Variants in PHACTR4 observed in about 807,000 individuals in gnomAD.
The protein encoded by PHACTR4 is phosphatase and actin regulator 4, also known as protein phosphatase 1, regulatory subunit 124.
In PHACTR4, 51 loss-of-function variants were observed where a neutral mutation model predicts 72.7. The observed-to-expected ratio is 0.70, with a 90% CI of 0.56 to 0.89. The LOEUF is 0.89. Ranked by LOEUF, PHACTR4 falls within the 40% of genes least tolerant of loss-of-function variation. The pLI, the probability that PHACTR4 is intolerant of heterozygous loss-of-function variation, is 0.00. For missense variants in PHACTR4, 731 were observed against 861.8 expected (o/e 0.85, Z 1.90); for synonymous variants, 255 against 302.5 (o/e 0.84, Z 1.63).
At chr1:28,462,745 G>A (rs1658905174) in intron 4 of PHACTR4, among the ~76,000 whole-genome samples, 1 of 152,226 alleles carries the variant, frequency 6.6e-6, no homozygotes, top group South Asian at 2.1e-4. Flanking sequence ...ATTAATAAAC[G>A]AGTTGCAGCC....
At position 28,457,757 on chromosome 1, in the gene PHACTR4, AT is replaced by A. The variant is rs1658495124; in HGVS notation, c.17-1325del. 3 of 853,900 alleles carry A rather than the reference AT, an allele frequency of 3.5e-6. No individual in the cohort carries two copies. In the African/African-American group the frequency reaches 5.5e-5, roughly 16 times the overall value. 52.9% of individuals were successfully genotyped at this position (853,900 alleles called of 1,614,324 possible). On this transcript the variant is annotated intron_variant, in intron 2 of 13. Coordinates refer to ENST00000373839, the MANE Select transcript of PHACTR4 (RefSeq NM_001048183.3). ...CTTATCATATGCTGTTCCTTGATGTATTTCTACAAAGTAGAGGTTCCACTTT... is the reference window on the plus strand; with the variant it reads ...CTTATCATATGCTGTTCCTTGATGTATTCTACAAAGTAGAGGTTCCACTTT...
Position 28,377,052 on chromosome 1 carries a change from C to G in PHACTR4, c.-39+7227C>G, listed in dbSNP as rs897543286. 2.6e-5 allele frequency among the ~76,000 whole-genome samples: 4 copies of G among 152,194 alleles called. 1 individual carries two copies. In the Middle Eastern group the frequency reaches 0.01, roughly 388 times the overall value. On this transcript the variant is annotated intron_variant, in intron 1 of 13. Coordinates refer to ENST00000373839, the MANE Select transcript of PHACTR4 (RefSeq NM_001048183.3). Reference sequence around the variant, plus strand: ...TCAAGCGATTCTCCAGCCTCAGCCTCCCAAGTAGCTGGGATTATAGGCGCT... The same window carrying G: ...TCAAGCGATTCTCCAGCCTCAGCCTGCCAAGTAGCTGGGATTATAGGCGCT...
intron 1 of PHACTR4, among the ~76,000 whole-genome samples, chr1:28,375,632 G>A (rs1271294364): frequency 6.6e-6 from 1 of 152,162 alleles, no homozygotes; most frequent in East Asian, 1.9e-4. Flanking sequence ...GCTGCAGTGA[G>A]CTATGATTGT....
At chr1:28,384,914 A>C (rs1379245123) in intron 1 of PHACTR4, among the ~76,000 whole-genome samples, 2 of 152,096 alleles carry the variant, frequency 1.3e-5, no homozygotes, top group Non-Finnish European at 2.9e-5. Context: ...CAAATAAATA[A>C]ATAAAATAAA....
chr1:28,457,431 A>G (rs1439909719), intron 2 of PHACTR4: 1 of 333,594 alleles, frequency 3.0e-6, no homozygotes, highest in African/African-American at 2.2e-5. Context: ...CCCTATCTCT[A>G]CAAAACAAAA....
At chr1:28,492,787 T>C (rs1234980180) in intron 12 of PHACTR4, among the ~76,000 whole-genome samples, 1 of 152,056 alleles carries the variant, frequency 6.6e-6, no homozygotes, top group African/African-American at 2.4e-5. Flanking sequence ...AAAACAAAAC[T>C]ATAAAAGCTA....
Position 28,476,128 on chromosome 1 carries a change from G to A in PHACTR4, c.1443G>A (p.Glu481=). 6.2e-7 allele frequency: 1 copy of A among 1,605,170 alleles called. No individual in the cohort carries two copies. The highest frequency in any genetic ancestry group is 8.5e-7 in the Non-Finnish European group (1 of 1,177,948). The change falls in exon 8 of 14, where the codon GAG becomes GAA. Residue 481 remains glutamate (E), a synonymous_variant. Transcript: ENST00000373839. ...TTAGTCCAGACGATGAAGAAGAAGA[G>A]GAGCAAACCTGTCCATCCACATTCA... is the stretch of plus-strand genomic sequence containing the variant. ...MLKVPDDEEE[E]EQTCPSTFSE...
At chr1:28,453,934 G>T in intron 2 of PHACTR4, 2 of 693,448 alleles carry the variant, frequency 2.9e-6, no homozygotes, top group Non-Finnish European at 2.5e-6. Flanking sequence ...CATGGAACAC[G>T]GCCAGGCACG....
intron 10 of PHACTR4, among the ~76,000 whole-genome samples, chr1:28,490,300 G>C (rs927481948): frequency 6.6e-6 from 1 of 152,128 alleles, no homozygotes. Context: ...TCTGGGCCGA[G>C]GCGAGTGGAT....
chr1:28,470,578 C>T (rs575341564), intron 6 of PHACTR4, among the ~76,000 whole-genome samples: 1 of 151,808 alleles, frequency 6.6e-6, no homozygotes, highest in East Asian at 1.9e-4. Flanking sequence ...TGCCTATGGT[C>T]CCAGCTACTT....
intron 2 of PHACTR4, among the ~76,000 whole-genome samples, chr1:28,414,071 A>G (rs1654946811): frequency 6.6e-6 from 1 of 151,810 alleles, no homozygotes. Context: ...TTTGTATTTT[A>G]TTTTACTTTA....
rs746642128 is a variant in PHACTR4 at position 28,444,214 on chromosome 1, C to CTTTTTTTTTTT, written c.17-14851_17-14841dup. On this transcript the variant is annotated intron_variant, in intron 2 of 13. Transcript: ENST00000373839. ...TGAGCATTTAAAAAAATATATTTGG[C>CTTTTTTTTTTT]TTTTTTTTTTTTTTTTTTTTTTTTT... Among the ~76,000 whole-genome samples the CTTTTTTTTTTT allele has an allele frequency of 9.7e-5, 4 of 41,088 alleles. 1 individual carries two copies. The highest frequency in any genetic ancestry group is 2.0e-4 in the Non-Finnish European group (4 of 20,338). 27.0% of individuals were successfully genotyped at this position (41,088 alleles called of 152,430 possible). A position where few individuals can be genotyped will look rare whatever the true frequency, so the allele number is the denominator to read the frequency against.
chr1:28,386,141 T>C (rs1184810222), intron 1 of PHACTR4, among the ~76,000 whole-genome samples: 1 of 152,140 alleles, frequency 6.6e-6, no homozygotes, highest in African/African-American at 2.4e-5. Context: ...TCACCCAGGC[T>C]GGAGTGCAGT....
At chr1:28,408,935 C>A (rs888261834) in intron 2 of PHACTR4, among the ~76,000 whole-genome samples, 1 of 151,448 alleles carries the variant, frequency 6.6e-6, no homozygotes, top group South Asian at 2.1e-4. Context: ...CTGCCTTGGC[C>A]TCCCAGAGTG....
chr1:28,463,645 AG>A (rs549138716), intron 4 of PHACTR4, among the ~76,000 whole-genome samples: 147 of 152,332 alleles, frequency 9.6e-4, no homozygotes, highest in African/African-American at 3.4e-3. Flanking sequence ...AAAAATAAAA[AG>A]TAGTTGTCAG....
chr1:28,432,455 A>G (rs1039366137), intron 2 of PHACTR4, among the ~76,000 whole-genome samples: 1 of 150,518 alleles, frequency 6.6e-6, no homozygotes, highest in Admixed American at 6.6e-5. Flanking sequence ...CTGCCTGGAC[A>G]ACATAGTGTG....
chr1:28,430,315 C>T (rs1287129381), intron 2 of PHACTR4, among the ~76,000 whole-genome samples: 1 of 152,144 alleles, frequency 6.6e-6, no homozygotes, highest in Non-Finnish European at 1.5e-5. Context: ...TGAGCCACTG[C>T]GCCCGGCCTT....
chr1:28,444,361 C>T (rs1420638860), intron 2 of PHACTR4, among the ~76,000 whole-genome samples: 1 of 150,134 alleles, frequency 6.7e-6, no homozygotes, highest in Non-Finnish European at 1.5e-5. Context: ...TCCCGAGTAG[C>T]TGGGATTACA....
At chr1:28,466,314 G>A in intron 5 of PHACTR4, 68 bp from the exon 6 acceptor site, 2 of 1,498,378 alleles carry the variant, frequency 1.3e-6, no homozygotes, top group Non-Finnish European at 1.8e-6. Context: ...ATTCATAGAT[G>A]TGTTAGCTTT....
Sources: allele counts gnomAD v4.1 joint callset (sites outside exome capture counted in the v4.1 genomes callset), GRCh38; gene constraint gnomAD v4.1.1; transcripts MANE v1.5; gene names NCBI Gene and HGNC (gene_info 2026-07-23, HGNC 2026-07-21).